CCM2: variants seen among roughly 807,000 people sequenced by gnomAD.
CCM2 encodes cerebral cavernous malformations 2 protein.
A neutral mutation model predicts 44.9 loss-of-function variants in CCM2; 25 were observed. The observed-to-expected ratio is 0.56, with a 90% CI of 0.41 to 0.78. CCM2 has a LOEUF of 0.78. Ranked by LOEUF, CCM2 falls within the 30% of genes least tolerant of loss-of-function variation. CCM2 has a pLI of 0.00. For missense variants in CCM2, 481 were observed against 580.6 expected, an observed-to-expected ratio of 0.83 and a Z score of 1.76; for synonymous variants, 219 against 241.1, an observed-to-expected ratio of 0.91 and a Z score of 0.85.
intron 1 of CCM2, among the ~76,000 whole-genome samples, chr7:45,004,256 G>T (rs1254255506): frequency 1.3e-5 from 2 of 152,176 alleles, no homozygotes; most frequent in Non-Finnish European, 2.9e-5. Context: ...TATTAATTTT[G>T]TTGGGTATGA....
intron 2 of CCM2, among the ~76,000 whole-genome samples, chr7:45,039,478 G>A (rs1361074424): frequency 3.9e-5 from 6 of 152,176 alleles, no homozygotes; most frequent in East Asian, 1.9e-4. Flanking sequence ...GGCATCCGAC[G>A]TCTGTCAGCT....
intron 2 of CCM2, among the ~76,000 whole-genome samples, chr7:45,050,696 T>C (rs1369880969): frequency 1.3e-5 from 2 of 152,234 alleles, no homozygotes; most frequent in Non-Finnish European, 2.9e-5. Flanking sequence ...TTCTGTTGGG[T>C]TATTGCTTCT....
At position 45,069,945 on chromosome 7, in the gene CCM2, C is replaced by T. The variant is rs1258981010; in HGVS notation, c.729C>T (p.His243=). 1 of 1,614,094 alleles carries T rather than the reference C, an allele frequency of 6.2e-7. No individual in the cohort carries two copies. Among genetic ancestry groups the T allele is most frequent in the Admixed American group, 1.7e-5 (1 of 60,030 alleles). ...IFDGASTPTH[H]LSLHSDDSST... is the part of the protein sequence containing the mutation. Reference sequence around the variant, plus strand: ...ATGGGGCCTCTACCCCGACCCACCACCTGTCCCTGCACAGCGGTATGTTGA... The same window carrying T: ...ATGGGGCCTCTACCCCGACCCACCATCTGTCCCTGCACAGCGGTATGTTGA... Residue 243 remains histidine (H), a synonymous_variant, in exon 6 of 10, where the codon CAC becomes CAT. Transcript: ENST00000258781.
intron 1 of CCM2, among the ~76,000 whole-genome samples, chr7:45,021,581 T>A (rs1796484193): frequency 1.3e-5 from 2 of 150,348 alleles, no homozygotes; most frequent in Non-Finnish European, 1.5e-5. Flanking sequence ...AAAAATAAAA[T>A]AAAATAAATA....
At chr7:45,020,411 T>C (rs958636075) in intron 1 of CCM2, among the ~76,000 whole-genome samples, 8 of 152,162 alleles carry the variant, frequency 5.3e-5, no homozygotes, top group African/African-American at 1.4e-4. Context: ...ATTATAGATA[T>C]ATAGTTTCTT....
intron 8 of CCM2, chr7:45,073,867 C>G (rs971306817): frequency 1.8e-6 from 1 of 546,096 alleles, no homozygotes; most frequent in Non-Finnish European, 3.3e-6. Context: ...GCCACATGGC[C>G]AGACATTTTT....
chr7:45,034,480 T>C (rs1189679185), intron 1 of CCM2, among the ~76,000 whole-genome samples: 1 of 143,598 alleles, frequency 7.0e-6, no homozygotes, highest in Non-Finnish European at 1.5e-5. Context: ...CCCAAAGTGC[T>C]GGGATTATAA....
chr7:45,019,948 A>C (rs1196854304), intron 1 of CCM2, among the ~76,000 whole-genome samples: 1 of 152,146 alleles, frequency 6.6e-6, no homozygotes, highest in Non-Finnish European at 1.5e-5. Context: ...CCGCTTACGC[A>C]GTTCAGGGTT....
intron 1 of CCM2, among the ~76,000 whole-genome samples, chr7:45,033,443 C>T (rs532107229): frequency 6.6e-6 from 1 of 152,096 alleles, no homozygotes. Context: ...TCCTGTTGCT[C>T]CCATAGGTAG....
At chr7:45,034,117 T>C (rs757625969) in intron 1 of CCM2, among the ~76,000 whole-genome samples, 2 of 152,046 alleles carry the variant, frequency 1.3e-5, no homozygotes, top group Non-Finnish European at 2.9e-5. Context: ...GGACATCCTG[T>C]CTTCACTGCT....
intron 2 of CCM2, among the ~76,000 whole-genome samples, chr7:45,059,363 A>G (rs1272554998): frequency 2.0e-5 from 3 of 151,048 alleles, no homozygotes; most frequent in Non-Finnish European, 4.4e-5. Context: ...CAGGAGGATC[A>G]CTTGAGCCTA....
intron 1 of CCM2, among the ~76,000 whole-genome samples, chr7:45,034,760 A>G (rs538744094): frequency 6.6e-6 from 1 of 151,980 alleles, no homozygotes; most frequent in Non-Finnish European, 1.5e-5. Context: ...ACCTCAAGTG[A>G]TCTGCCTGCC....
chr7:45,026,515 T>C (rs1583873660), intron 1 of CCM2, among the ~76,000 whole-genome samples: 1 of 152,164 alleles, frequency 6.6e-6, no homozygotes, highest in Non-Finnish European at 1.5e-5. Context: ...GCACTTTGAT[T>C]TGGTTCAACC....
chr7:45,024,919 A>G (rs984227880), intron 1 of CCM2, among the ~76,000 whole-genome samples: 4 of 152,144 alleles, frequency 2.6e-5, no homozygotes, highest in African/African-American at 7.2e-5. Flanking sequence ...AATTGAGTTC[A>G]TCGTTGTTGT....
At chr7:45,017,018 C>T (rs1262273942) in intron 1 of CCM2, among the ~76,000 whole-genome samples, 4 of 152,138 alleles carry the variant, frequency 2.6e-5, no homozygotes, top group Non-Finnish European at 4.4e-5. Flanking sequence ...ATCCACCTGC[C>T]TCGGCCTCCC....
chr7:45,013,127 ACTC>A (rs1189915438), intron 1 of CCM2, among the ~76,000 whole-genome samples: 1 of 151,478 alleles, frequency 6.6e-6, no homozygotes, highest in Non-Finnish European at 1.5e-5. Context: ...TTTTGCTGTA[ACTC>A]CTCTATATAT....
At chr7:45,054,486 T>TAAA (rs35483777) in intron 2 of CCM2, among the ~76,000 whole-genome samples, 2 of 147,272 alleles carry the variant, frequency 1.4e-5, no homozygotes, top group African/African-American at 2.5e-5. Context: ...GGATCAATAT[T>TAAA]AAAAAAAAAA....
intron 2 of CCM2, among the ~76,000 whole-genome samples, chr7:45,040,909 G>C (rs1797461315): frequency 6.6e-6 from 1 of 152,336 alleles, no homozygotes. Context: ...AGAATAGCTT[G>C]AACCCGGGAG....
chr7:45,034,494 T>A (rs1251974483), intron 1 of CCM2, among the ~76,000 whole-genome samples: 1 of 147,932 alleles, frequency 6.8e-6, no homozygotes, highest in Non-Finnish European at 1.5e-5. Context: ...ATTATAAGCA[T>A]GTGCCACCAT....
Sources: allele counts gnomAD v4.1 joint callset (sites outside exome capture counted in the v4.1 genomes callset), GRCh38; gene constraint gnomAD v4.1.1; transcripts MANE v1.5; gene names NCBI Gene and HGNC (gene_info 2026-07-23, HGNC 2026-07-21).